The following CSMD1 variants were observed in gnomAD, a reference collection of about 807,000 sequenced individuals.
CSMD1 encodes CUB and sushi domain-containing protein 1.
A neutral mutation model predicts 417.5 loss-of-function variants in CSMD1; 213 were observed. That is an observed-to-expected ratio of 0.51 (90% confidence interval 0.46 to 0.57). CSMD1 has a LOEUF of 0.57. Among genes scored for constraint, CSMD1 ranks in the 20% least tolerant of loss-of-function variants. The pLI is 0.00. For synonymous variants in CSMD1, 2,862 were observed against 1,736.8 expected, an observed-to-expected ratio of 1.65 and a Z score of -16.11; for missense variants, 6,923 against 4,529.7, an observed-to-expected ratio of 1.53 and a Z score of -15.17.
At chr8:3,042,899 C>G (rs1811201929) in intron 50 of CSMD1, among the ~76,000 whole-genome samples, 1 of 151,698 alleles carries the variant, frequency 6.6e-6, no homozygotes, top group Admixed American at 6.6e-5. Flanking sequence ...ATATGGAAAC[C>G]TACAGTACAA....
At position 3,426,088 on chromosome 8, in the gene CSMD1, C is replaced by T. The variant is rs149743691; in HGVS notation, c.1562-16483G>A. Among the ~76,000 whole-genome samples, 125 of 152,276 alleles carry T rather than the reference C, an allele frequency of 8.2e-4. 3 individuals are homozygous for T. In the South Asian group the frequency reaches 0.011, roughly 13 times the overall value. ...TCTGTGAAAATGTAAAAAAGCAGAA[C>T]AGACTATTGCATGAATTATACTTGG... On this transcript the variant is annotated intron_variant, in intron 12 of 69. Transcript: ENST00000635120.
At chr8:3,368,230 C>T (rs1418864387) in intron 19 of CSMD1, among the ~76,000 whole-genome samples, 1 of 152,186 alleles carries the variant, frequency 6.6e-6, no homozygotes, top group Non-Finnish European at 1.5e-5. Flanking sequence ...TAGTGCCACA[C>T]AGTACACATA....
At chr8:4,861,083 T>G (rs1802102070) in intron 1 of CSMD1, among the ~76,000 whole-genome samples, 1 of 152,164 alleles carries the variant, frequency 6.6e-6, no homozygotes, top group African/African-American at 2.4e-5. Flanking sequence ...CTCCAGAATC[T>G]TATCTTATTT....
intron 1 of CSMD1, among the ~76,000 whole-genome samples, chr8:4,798,259 G>C (rs1043607420): frequency 6.6e-6 from 1 of 152,096 alleles, no homozygotes; most frequent in African/African-American, 2.4e-5. Context: ...GAGAACATGC[G>C]GTGTTTGTTT....
intron 10 of CSMD1, among the ~76,000 whole-genome samples, chr8:3,508,247 T>C (rs903742237): frequency 1.3e-5 from 2 of 151,924 alleles, no homozygotes; most frequent in Non-Finnish European, 2.9e-5. Context: ...AAGTGGTGTC[T>C]GTGACAGATG....
At chr8:3,202,347 C>T (rs1797033918) in intron 31 of CSMD1, among the ~76,000 whole-genome samples, 1 of 152,204 alleles carries the variant, frequency 6.6e-6, no homozygotes, top group African/African-American at 2.4e-5. Flanking sequence ...TATTCATACA[C>T]ACTGACTTAT....
At chr8:4,279,492 T>C (rs559325338) in intron 3 of CSMD1, among the ~76,000 whole-genome samples, 1 of 152,196 alleles carries the variant, frequency 6.6e-6, no homozygotes. Context: ...TGAGCAGGAA[T>C]ACTGACTTTA....
At chr8:4,235,458 C>T (rs1257851082) in intron 3 of CSMD1, among the ~76,000 whole-genome samples, 1 of 151,928 alleles carries the variant, frequency 6.6e-6, no homozygotes, top group Non-Finnish European at 1.5e-5. Context: ...CAAGTACCTG[C>T]TGAGTGTGAT....
At chr8:3,265,901 G>T in intron 26 of CSMD1, among the ~76,000 whole-genome samples, 1 of 152,074 alleles carries the variant, frequency 6.6e-6, no homozygotes, top group Non-Finnish European at 1.5e-5. Flanking sequence ...CATCTCCTTG[G>T]AGGCCACAAG....
rs550707305 is a variant in CSMD1 at position 3,877,527 on chromosome 8, G to A, written c.818+120376C>T. ...TTACTTATGGATACCCTCAAGCTTC[G>A]ATGTTCCCCATATTCAGGTAAAGGC... On this transcript the variant is annotated intron_variant, in intron 5 of 69. Coordinates refer to ENST00000635120, the MANE Select transcript of CSMD1 (RefSeq NM_033225.6). Among the ~76,000 whole-genome samples, 102 of 152,226 alleles carry A rather than the reference G, an allele frequency of 6.7e-4. 1 individual carries two copies. The highest frequency in any genetic ancestry group is 2.4e-3 in the African/African-American group (100 of 41,540).
chr8:3,286,867 C>T (rs1412576356), intron 25 of CSMD1, among the ~76,000 whole-genome samples: 4 of 152,032 alleles, frequency 2.6e-5, no homozygotes, highest in East Asian at 1.9e-4. Context: ...GTTGCCATTG[C>T]TTTTGGTGTT....
chr8:4,987,036 T>C (rs555772843), intron 1 of CSMD1, among the ~76,000 whole-genome samples: 2 of 152,334 alleles, frequency 1.3e-5, no homozygotes, highest in African/African-American at 2.4e-5. Flanking sequence ...CATATACAGA[T>C]ATATCCATTG....
intron 1 of CSMD1, among the ~76,000 whole-genome samples, chr8:4,657,472 C>T (rs1056671074): frequency 6.6e-6 from 1 of 152,030 alleles, no homozygotes; most frequent in African/African-American, 2.4e-5. Context: ...AAATCTCTGT[C>T]AAAACGCTGT....
At chr8:4,453,197 C>A (rs1012553871) in intron 2 of CSMD1, among the ~76,000 whole-genome samples, 15 of 133,792 alleles carry the variant, frequency 1.1e-4, no homozygotes, top group African/African-American at 4.3e-4. Context: ...ACAGACACAC[C>A]CACACAGACA....
chr8:4,780,757 A>G (rs896099962), intron 1 of CSMD1, among the ~76,000 whole-genome samples: 5 of 151,966 alleles, frequency 3.3e-5, no homozygotes, highest in African/African-American at 1.2e-4. Flanking sequence ...AATCCATTGT[A>G]TCATTTTTAT....
chr8:4,034,043 C>T (rs976083590), intron 3 of CSMD1, among the ~76,000 whole-genome samples: 2 of 152,102 alleles, frequency 1.3e-5, no homozygotes, highest in Non-Finnish European at 2.9e-5. Context: ...TGAACAGAAA[C>T]TATTTCATGT....
intron 4 of CSMD1, among the ~76,000 whole-genome samples, chr8:4,030,260 G>C (rs2554572): frequency 0.56 from 85,296 of 152,056 alleles, 23,904 homozygotes; most frequent in East Asian, 0.63. Context: ...TTTCCCTCCT[G>C]CACTGCCCTA....
chr8:3,711,319 G>A (rs1364474306), intron 6 of CSMD1, among the ~76,000 whole-genome samples: 1 of 152,160 alleles, frequency 6.6e-6, no homozygotes, highest in African/African-American at 2.4e-5. Flanking sequence ...TCTTGTGGAA[G>A]ACGAGGAGGT....
intron 3 of CSMD1, among the ~76,000 whole-genome samples, chr8:4,279,197 T>C (rs539267013): frequency 2.0e-5 from 3 of 151,472 alleles, no homozygotes; most frequent in South Asian, 2.1e-4. Context: ...GTAAACGCAG[T>C]ATACACACTA....
Sources: allele counts gnomAD v4.1 joint callset (sites outside exome capture counted in the v4.1 genomes callset), GRCh38; gene constraint gnomAD v4.1.1; transcripts MANE v1.5; gene names NCBI Gene and HGNC (gene_info 2026-07-23, HGNC 2026-07-21).